Variants in DGKI observed in about 807,000 individuals in gnomAD.
DGKI encodes the protein DAG kinase iota.
In DGKI, 55 loss-of-function variants were observed where a neutral mutation model predicts 147.5. The ratio of observed to expected loss-of-function variants is 0.37; its 90% CI spans 0.30 to 0.47. The LOEUF (loss-of-function observed/expected upper bound fraction) is 0.47, where lower values mean the gene tolerates loss of function less well. DGKI is among the 20% of genes least tolerant of loss of function. The pLI is 1.00. For synonymous variants in DGKI, 469 were observed against 477.1 expected, an observed-to-expected ratio of 0.98 and a Z score of 0.22; for missense variants, 1,007 against 1,323.8, an observed-to-expected ratio of 0.76 and a Z score of 3.71.
chr7:137,846,406 A>C lies in DGKI; in HGVS notation c.401+56T>G, dbSNP rs537270023. On this transcript the variant is annotated intron_variant, in intron 1 of 32. Coordinates refer to ENST00000614521, the MANE Select transcript of DGKI (RefSeq NM_001321708.2). This position sits in a 1 kb window ranked among gnomAD's most constrained non-coding sequence, Gnocchi z 4.0. ...GCGGAAGCGCCCCTTGCTGGGTAGA[A>C]GAGTGGGTCTCCCGCCGCGGCGCAC... 7 of 1,346,746 alleles carry C rather than the reference A, an allele frequency of 5.2e-6. No individual in the cohort carries two copies. In the African/African-American group the frequency reaches 6.1e-5, roughly 12 times the overall value. The allele number at this position is 1,346,746 out of a possible 1,614,324, so 83.4% of individuals were successfully genotyped here.
intron 23 of DGKI, among the ~76,000 whole-genome samples, chr7:137,480,447 AT>A (rs2128933462): frequency 6.6e-6 from 1 of 152,304 alleles, no homozygotes; most frequent in South Asian, 2.1e-4. Context: ...GATGAATGAA[AT>A]ATTTATAGGA....
chr7:137,811,038 G>A (rs922828820), intron 1 of DGKI, among the ~76,000 whole-genome samples: 2 of 152,158 alleles, frequency 1.3e-5, no homozygotes, highest in African/African-American at 4.8e-5. Context: ...TGATCAGTCA[G>A]GCTAACATAT....
At chr7:137,691,756 A>G (rs1162049167) in intron 1 of DGKI, among the ~76,000 whole-genome samples, 1 of 148,630 alleles carries the variant, frequency 6.7e-6, no homozygotes, top group Non-Finnish European at 1.5e-5. Flanking sequence ...TTAATCAATT[A>G]CCAAGTATGT....
chr7:137,715,341 A>G (rs1794344036), intron 1 of DGKI, among the ~76,000 whole-genome samples: 1 of 152,208 alleles, frequency 6.6e-6, no homozygotes, highest in Admixed American at 6.5e-5. Context: ...CAGACCTACA[A>G]AATTAGAAGC....
chr7:137,488,643 A>C (rs1815653752), intron 21 of DGKI, among the ~76,000 whole-genome samples: 1 of 152,306 alleles, frequency 6.6e-6, no homozygotes, highest in East Asian at 1.9e-4. Flanking sequence ...ATGATAAGAC[A>C]GTGGTGTTCT....
chr7:137,413,265 CAAAA>C (rs35856159), intron 28 of DGKI, among the ~76,000 whole-genome samples: 16 of 92,626 alleles, frequency 1.7e-4, no homozygotes, highest in African/African-American at 4.5e-4. Flanking sequence ...GACTCCATCT[CAAAA>C]AAAAAAAAAA....
At chr7:137,713,001 C>T (rs898313056) in intron 1 of DGKI, among the ~76,000 whole-genome samples, 1 of 152,162 alleles carries the variant, frequency 6.6e-6, no homozygotes, top group African/African-American at 2.4e-5. Flanking sequence ...AGACAAAACA[C>T]CCTAGAGCAC....
At chr7:137,722,806 G>C in intron 1 of DGKI, 2 of 1,296,876 alleles carry the variant, frequency 1.5e-6, no homozygotes, top group Non-Finnish European at 1.1e-6. Context: ...CCTGTGATCT[G>C]TGGTTGCCCT....
At chr7:137,438,589 T>C (rs1306684710) in intron 28 of DGKI, among the ~76,000 whole-genome samples, 1 of 152,098 alleles carries the variant, frequency 6.6e-6, no homozygotes, top group African/African-American at 2.4e-5. Flanking sequence ...TTTAAGCGCA[T>C]GGATACGAGG....
intron 30 of DGKI, among the ~76,000 whole-genome samples, chr7:137,397,641 T>C (rs2128894512): frequency 6.6e-6 from 1 of 152,350 alleles, no homozygotes; most frequent in Middle Eastern, 3.4e-3. Flanking sequence ...TGGTATGGTC[T>C]CTGCTGTCAA....
chr7:137,774,334 A>G (rs1346100900), intron 1 of DGKI, among the ~76,000 whole-genome samples: 1 of 152,200 alleles, frequency 6.6e-6, no homozygotes, highest in Admixed American at 6.5e-5. Flanking sequence ...AAATAGGTCA[A>G]AGAGAGATTT....
intron 12 of DGKI, among the ~76,000 whole-genome samples, chr7:137,587,836 T>C (rs1462631446): frequency 6.6e-6 from 1 of 152,202 alleles, no homozygotes; most frequent in Non-Finnish European, 1.5e-5. Flanking sequence ...AACATAATTA[T>C]GGACAGACCT....
intron 21 of DGKI, among the ~76,000 whole-genome samples, chr7:137,518,184 GC>G (rs1037614885): frequency 2.6e-5 from 4 of 152,078 alleles, no homozygotes; most frequent in African/African-American, 9.7e-5. Context: ...ACACTAATGT[GC>G]CAGACTTCAC....
Position 137,552,563 on chromosome 7 carries a change from G to A in DGKI, c.1953C>T (p.Ala651=). 3 of 1,613,920 alleles carry A rather than the reference G, an allele frequency of 1.9e-6. No individual in the cohort carries two copies. Among genetic ancestry groups the A allele is most frequent in the South Asian group, 2.2e-5 (2 of 91,064 alleles). Residue 651 remains alanine, a synonymous_variant, in exon 20 of 33, where the codon GCC becomes GCT. Transcript: ENST00000614521. ...TCTCTCCATGGCCCCCAACTTGCAG[G>A]GCTGCCTATAAAAACAAGAGTCAAA... ...VIGFTMASLA[A]LQVGGHGERL...
chr7:137,815,489 G>A (rs1190891019), intron 1 of DGKI, among the ~76,000 whole-genome samples: 1 of 152,230 alleles, frequency 6.6e-6, no homozygotes, highest in Non-Finnish European at 1.5e-5. Flanking sequence ...CTTTTGATGT[G>A]GGTTACAAAC....
At chr7:137,723,414 C>A (rs759036665) in intron 1 of DGKI, among the ~76,000 whole-genome samples, 1 of 152,278 alleles carries the variant, frequency 6.6e-6, no homozygotes, top group South Asian at 2.1e-4. Flanking sequence ...TAAAAAGCCA[C>A]GCAAATCAAA....
intron 1 of DGKI, among the ~76,000 whole-genome samples, chr7:137,837,946 T>G (rs1355168436): frequency 1.3e-5 from 2 of 150,542 alleles, no homozygotes; most frequent in African/African-American, 4.9e-5. Flanking sequence ...AAAAGAAACA[T>G]GCCACACCTT....
Position 137,615,883 on chromosome 7 carries a change from G to A in DGKI, c.993+3941C>T, listed in dbSNP as rs369459417. ...GTTCGGTATTACACAAATTAGTTAC[G>A]TGGCTACAGCAAGGTTATTACGGGC... On this transcript the variant is annotated intron_variant, in intron 8 of 32. Coordinates refer to ENST00000614521, the MANE Select transcript of DGKI (RefSeq NM_001321708.2). 2.0e-4 allele frequency among the ~76,000 whole-genome samples: 30 copies of A among 152,120 alleles called. 1 individual carries two copies. In the South Asian group the frequency reaches 5.2e-3, roughly 26 times the overall value.
chr7:137,733,295 T>C (rs1235607573), intron 1 of DGKI, among the ~76,000 whole-genome samples: 1 of 152,036 alleles, frequency 6.6e-6, no homozygotes, highest in Non-Finnish European at 1.5e-5. Context: ...TCTGTCTCTA[T>C]GTATTTGATG....
Sources: allele counts gnomAD v4.1 joint callset (sites outside exome capture counted in the v4.1 genomes callset), GRCh38; gene constraint gnomAD v4.1.1; non-coding constraint Gnocchi (gnomAD v3.1); transcripts MANE v1.5; gene names NCBI Gene and HGNC (gene_info 2026-07-23, HGNC 2026-07-21).